SDK1: variants seen among roughly 807,000 people sequenced by gnomAD.
SDK1 encodes the protein protein sidekick-1.
Under a neutral mutation model 245.5 loss-of-function variants are expected in SDK1, and 157 were observed. That is an observed-to-expected ratio of 0.64 (90% CI 0.56 to 0.73). The LOEUF is 0.73. SDK1 is among the 30% of genes least tolerant of loss of function. The probability of loss-of-function intolerance (pLI) is 0.00; values close to 1 mark genes in which losing one functional copy is unlikely to be tolerated. For missense variants in SDK1, 3,583 were observed against 3,002.3 expected (o/e 1.19, Z -4.52); for synonymous variants, 1,647 against 1,278.5 (o/e 1.29, Z -6.15).
intron 4 of SDK1, among the ~76,000 whole-genome samples, chr7:3,717,764 A>C (rs1171828603): frequency 6.6e-6 from 1 of 152,196 alleles, no homozygotes; most frequent in Non-Finnish European, 1.5e-5. Context: ...AGAGAAACTT[A>C]ATTTGCAGTT....
At chr7:3,636,236 C>G (rs1173524570) in intron 2 of SDK1, among the ~76,000 whole-genome samples, 1 of 152,132 alleles carries the variant, frequency 6.6e-6, no homozygotes, top group Non-Finnish European at 1.5e-5. Context: ...ACACATAAAA[C>G]TTACCCTCTT....
chr7:4,112,316 G>A (rs1204298985), intron 23 of SDK1, among the ~76,000 whole-genome samples: 1 of 152,158 alleles, frequency 6.6e-6, no homozygotes, highest in Non-Finnish European at 1.5e-5. Context: ...TCCAAAGGAG[G>A]CCATCAGATC....
At chr7:3,771,063 A>G (rs1032320816) in intron 4 of SDK1, among the ~76,000 whole-genome samples, 1 of 152,002 alleles carries the variant, frequency 6.6e-6, no homozygotes, top group African/African-American at 2.4e-5. Flanking sequence ...TGCTCAGCTG[A>G]AAGTCAAATA....
intron 4 of SDK1, among the ~76,000 whole-genome samples, chr7:3,719,426 G>T (rs1785299372): frequency 1.3e-5 from 2 of 152,004 alleles, no homozygotes; most frequent in African/African-American, 4.8e-5. Flanking sequence ...TGACTGTGTG[G>T]TACTGGCAAA....
At chr7:3,677,058 C>G (rs934363471) in intron 4 of SDK1, among the ~76,000 whole-genome samples, 2 of 152,172 alleles carry the variant, frequency 1.3e-5, no homozygotes, top group Non-Finnish European at 2.9e-5. Flanking sequence ...TTTCTTATGA[C>G]TTCTTCAAGA....
chr7:3,645,595 C>G (rs1415351974), intron 4 of SDK1, among the ~76,000 whole-genome samples: 1 of 151,996 alleles, frequency 6.6e-6, no homozygotes. Context: ...CTATTATGCA[C>G]TAATAAAAAG....
chr7:4,181,337 C>G (rs1420990219), intron 35 of SDK1, among the ~76,000 whole-genome samples: 1 of 152,232 alleles, frequency 6.6e-6, no homozygotes, highest in Admixed American at 6.5e-5. Flanking sequence ...GGTGTGTCTG[C>G]TCCTCCAGGG....
At chr7:3,862,468 C>T (rs943230635) in intron 5 of SDK1, among the ~76,000 whole-genome samples, 3 of 152,132 alleles carry the variant, frequency 2.0e-5, no homozygotes, top group Non-Finnish European at 2.9e-5. Flanking sequence ...TGTGTTAATG[C>T]ATAACATAAC....
chr7:3,924,100 T>C (rs1779687317), intron 5 of SDK1, among the ~76,000 whole-genome samples: 1 of 152,154 alleles, frequency 6.6e-6, no homozygotes, highest in East Asian at 1.9e-4. Flanking sequence ...CCTCTTTTTT[T>C]TTTTTTGGAT....
chr7:3,345,051 G>A (rs1028184647), intron 1 of SDK1, among the ~76,000 whole-genome samples: 3 of 152,190 alleles, frequency 2.0e-5, no homozygotes, highest in Non-Finnish European at 2.9e-5. Context: ...CATATTGCAA[G>A]AAGTTAAGCG....
intron 17 of SDK1, among the ~76,000 whole-genome samples, chr7:4,042,866 C>T (rs1316273928): frequency 2.0e-5 from 3 of 152,220 alleles, no homozygotes; most frequent in African/African-American, 7.2e-5. Context: ...CGCTTGAGGG[C>T]ATTTTTAATT....
chr7:3,856,818 T>TA (rs934450371), intron 5 of SDK1, among the ~76,000 whole-genome samples: 10 of 152,148 alleles, frequency 6.6e-5, no homozygotes, highest in African/African-American at 2.4e-4. Flanking sequence ...ATATGCTACT[T>TA]ATAGGATATA....
chr7:3,482,348 C>T (rs757669514), intron 1 of SDK1, among the ~76,000 whole-genome samples: 2 of 152,154 alleles, frequency 1.3e-5, no homozygotes, highest in African/African-American at 4.8e-5. Context: ...CTGCCTTCAC[C>T]GTCTTTCTGA....
intron 5 of SDK1, among the ~76,000 whole-genome samples, chr7:3,838,194 A>G (rs1780068220): frequency 6.6e-6 from 1 of 152,242 alleles, no homozygotes; most frequent in Admixed American, 6.5e-5. Context: ...CATAGCCTGC[A>G]TGGCTGTACA....
At chr7:3,981,691 C>T (rs543946439) in intron 13 of SDK1, among the ~76,000 whole-genome samples, 1 of 152,294 alleles carries the variant, frequency 6.6e-6, no homozygotes, top group African/African-American at 2.4e-5. Context: ...CCTCAACATT[C>T]CCTTAGGCCA....
Position 3,893,966 on chromosome 7 carries a change from G to T in SDK1, c.848-56957G>T, listed in dbSNP as rs1306718624. ...CTGAACTGCCTGTGATGTCCCTGCTGGTTTCCCAATGGCCAGGCACTGCAG... is the reference window on the plus strand; with the variant it reads ...CTGAACTGCCTGTGATGTCCCTGCTTGTTTCCCAATGGCCAGGCACTGCAG... On this transcript the variant is annotated intron_variant, in intron 5 of 44. Transcript: ENST00000404826. Among the ~76,000 whole-genome samples the T allele has an allele frequency of 2.0e-5, 3 of 152,138 alleles. No individual in the cohort carries two copies. In the East Asian group the frequency reaches 5.8e-4, roughly 29 times the overall value.
At chr7:3,606,426 A>G (rs1200508774) in intron 1 of SDK1, among the ~76,000 whole-genome samples, 1 of 152,154 alleles carries the variant, frequency 6.6e-6, no homozygotes, top group African/African-American at 2.4e-5. Context: ...GAACTTATCA[A>G]ACTTTTGCTA....
chr7:4,022,084 A>G (rs1786940663), intron 17 of SDK1, among the ~76,000 whole-genome samples: 1 of 152,220 alleles, frequency 6.6e-6, no homozygotes, highest in African/African-American at 2.4e-5. Flanking sequence ...ACTGATTGTC[A>G]AGGCAGCCTA....
intron 14 of SDK1, among the ~76,000 whole-genome samples, chr7:3,999,097 C>G (rs1248769438): frequency 1.3e-5 from 2 of 152,138 alleles, no homozygotes; most frequent in Non-Finnish European, 2.9e-5. Context: ...CTTAAGCTCT[C>G]TTTAAAAATA....
Sources: gnomAD v4.1 joint callset for allele counts (sites outside exome capture counted in the v4.1 genomes callset) on GRCh38, gnomAD v4.1.1 for gene constraint, MANE v1.5 for transcripts, NCBI Gene and HGNC (gene_info 2026-07-23, HGNC 2026-07-21) for gene names.